Variants in ENPP6 observed in about 807,000 individuals in gnomAD.
ENPP6 encodes ectonucleotide pyrophosphatase/phosphodiesterase 6.
In ENPP6, 32 loss-of-function variants were observed where a neutral mutation model predicts 42.0. That is an observed-to-expected ratio of 0.76 (90% CI 0.58 to 1.02). ENPP6 has a LOEUF of 1.02. ENPP6 is among the 50% of genes least tolerant of loss of function. The probability of loss-of-function intolerance (pLI) is 0.00; values close to 1 mark genes in which losing one functional copy is unlikely to be tolerated. For synonymous variants in ENPP6, 213 were observed against 216.0 expected (o/e 0.99, Z 0.12); for missense variants, 552 against 566.8 (o/e 0.97, Z 0.27).
chr4:184,199,388 G>A (rs766562984), intron 1 of ENPP6, among the ~76,000 whole-genome samples: 1 of 152,234 alleles, frequency 6.6e-6, no homozygotes, highest in East Asian at 1.9e-4. Context: ...AGTGGCTGAA[G>A]AACACAATAT....
At chr4:184,133,872 A>ATTTTT (rs33932621) in intron 2 of ENPP6, among the ~76,000 whole-genome samples, 5 of 145,862 alleles carry the variant, frequency 3.4e-5, no homozygotes, top group Non-Finnish European at 6.0e-5. Flanking sequence ...ATATTGATTG[A>ATTTTT]TTTTTTTTTT....
intron 2 of ENPP6, among the ~76,000 whole-genome samples, chr4:184,131,538 AT>A (rs1736634938): frequency 8.1e-6 from 1 of 122,862 alleles, no homozygotes; most frequent in African/African-American, 3.5e-5. Flanking sequence ...TTTTTTTTGT[AT>A]TTTTAGTACA....
At chr4:184,114,707 C>A (rs1261881665) in intron 5 of ENPP6, among the ~76,000 whole-genome samples, 1 of 150,308 alleles carries the variant, frequency 6.7e-6, no homozygotes, top group Non-Finnish European at 1.5e-5. Context: ...TGTTGATGCC[C>A]AAGTTCTGGA....
At chr4:184,153,514 A>T (rs756196222) in intron 2 of ENPP6, 40 bp downstream of exon 2, 9 of 1,580,898 alleles carry the variant, frequency 5.7e-6, no homozygotes, top group South Asian at 1.2e-5. Flanking sequence ...CAGAGACTCT[A>T]TGATGATTTG....
chr4:184,132,985 C>T (rs577951840), intron 2 of ENPP6, among the ~76,000 whole-genome samples: 1 of 152,044 alleles, frequency 6.6e-6, no homozygotes, highest in South Asian at 2.1e-4. Context: ...CTGACCTTTA[C>T]CCTTAGTCTA....
chr4:184,153,332 C>G (rs1579638192), intron 2 of ENPP6, among the ~76,000 whole-genome samples: 1 of 152,140 alleles, frequency 6.6e-6, no homozygotes, highest in South Asian at 2.1e-4. Flanking sequence ...CCATGTTGGT[C>G]AGGTTGGTCT....
intron 5 of ENPP6, among the ~76,000 whole-genome samples, chr4:184,113,899 T>TTTCCTTTCTTTCTTTCTTTC: frequency 9.6e-6 from 1 of 103,712 alleles, no homozygotes; most frequent in East Asian, 2.7e-4. Context: ...CCTTTCTTTC[T>TTTCCTTTCTTTCTTTCTTTC]TTTCTTTCTT....
chr4:184,168,179 T>G (rs1882336), intron 1 of ENPP6, among the ~76,000 whole-genome samples: 95,387 of 151,862 alleles, frequency 0.63, 30,312 homozygotes, highest in African/African-American at 0.67. Context: ...ACTTTATTGA[T>G]CCTCAGTTTC....
At chr4:184,197,622 A>G (rs575415336) in intron 1 of ENPP6, among the ~76,000 whole-genome samples, 2 of 152,344 alleles carry the variant, frequency 1.3e-5, no homozygotes, top group South Asian at 2.1e-4. Flanking sequence ...CAAATGCACT[A>G]GCATCTCTAA....
rs141143037 is a variant in ENPP6, at chr4:184,164,087, C to T, written c.242-10354G>A. On this transcript the variant is annotated intron_variant, in intron 1 of 7. Coordinates refer to ENST00000296741, the MANE Select transcript of ENPP6 (RefSeq NM_153343.4). ...CCTGTTCGCCTCTGGGAGATGGTGG[C>T]TACAGTGGAGAGATGACAGAGGAGT... is the stretch of plus-strand genomic sequence containing the variant. Among the ~76,000 whole-genome samples the T allele has an allele frequency of 4.4e-4, 67 of 152,268 alleles. 1 individual carries two copies. In the Middle Eastern group the frequency reaches 0.01, roughly 23 times the overall value.
At chr4:184,181,466 C>G (rs1732549724) in intron 1 of ENPP6, among the ~76,000 whole-genome samples, 1 of 152,128 alleles carries the variant, frequency 6.6e-6, no homozygotes, top group Non-Finnish European at 1.5e-5. Flanking sequence ...ATGGTATTCC[C>G]ATTAAACTAC....
At chr4:184,092,118 G>C (rs1389029659) in intron 7 of ENPP6, among the ~76,000 whole-genome samples, 1 of 151,994 alleles carries the variant, frequency 6.6e-6, no homozygotes, top group Non-Finnish European at 1.5e-5. Context: ...AGCCCGGACC[G>C]ACAGCCAGAG....
intron 1 of ENPP6, among the ~76,000 whole-genome samples, chr4:184,215,354 A>G (rs1223064811): frequency 6.6e-6 from 1 of 152,200 alleles, no homozygotes. Flanking sequence ...TGCTCAAACC[A>G]TATGTTTAGC....
chr4:184,178,194 G>T (rs974508155), intron 1 of ENPP6, among the ~76,000 whole-genome samples: 11 of 151,912 alleles, frequency 7.2e-5, no homozygotes, highest in African/African-American at 2.7e-4. Flanking sequence ...GATGGAGCTA[G>T]AACATACAAC....
intron 1 of ENPP6, among the ~76,000 whole-genome samples, chr4:184,188,840 C>T (rs937818258): frequency 3.9e-5 from 6 of 152,240 alleles, no homozygotes; most frequent in Non-Finnish European, 5.9e-5. Flanking sequence ...TTTTATGTGA[C>T]GGAGGAGGTA....
chr4:184,117,938 C>A (rs750339734), intron 3 of ENPP6, 38 bp from the exon 4 acceptor site: 2 of 1,601,506 alleles, frequency 1.2e-6, no homozygotes, highest in African/African-American at 1.3e-5. Context: ...GTGAGGGAGG[C>A]CCCCGCCAGC....
chr4:184,167,564 C>T (rs747066200), intron 1 of ENPP6, among the ~76,000 whole-genome samples: 5 of 152,166 alleles, frequency 3.3e-5, no homozygotes, highest in Non-Finnish European at 4.4e-5. Context: ...CAATCAAGTA[C>T]GAACCCATCA....
chr4:184,161,856 T>C (rs1055742541), intron 1 of ENPP6, among the ~76,000 whole-genome samples: 1 of 151,388 alleles, frequency 6.6e-6, no homozygotes, highest in Admixed American at 6.6e-5. Context: ...ATAAGAAAGA[T>C]GTAATGGACT....
chr4:184,194,656 A>ACC (rs1345902792), intron 1 of ENPP6, among the ~76,000 whole-genome samples: 1 of 152,232 alleles, frequency 6.6e-6, no homozygotes, highest in African/African-American at 2.4e-5. Context: ...TTCTTCCCAG[A>ACC]CCAGGGAGGA....
Sources: gnomAD v4.1 joint callset for allele counts (sites outside exome capture counted in the v4.1 genomes callset) on GRCh38, gnomAD v4.1.1 for gene constraint, MANE v1.5 for transcripts, NCBI Gene and HGNC (gene_info 2026-07-23, HGNC 2026-07-21) for gene names.